The following GSG1L variants were observed in gnomAD, a reference collection of about 807,000 sequenced individuals.
GSG1L encodes the protein germ cell-specific gene 1-like protein.
Under a neutral mutation model 42.1 loss-of-function variants are expected in GSG1L, and 24 were observed. The observed-to-expected ratio is 0.57, with a 90% CI of 0.41 to 0.80. The LOEUF is 0.80. Among genes scored for constraint, GSG1L ranks in the 30% least tolerant of loss-of-function variants. GSG1L has a pLI of 0.00. For missense variants in GSG1L, 445 were observed against 472.2 expected, an observed-to-expected ratio of 0.94 and a Z score of 0.53; for synonymous variants, 215 against 203.5, an observed-to-expected ratio of 1.06 and a Z score of -0.48.
chr16:27,956,301 C>T (rs984276045), intron 2 of GSG1L, among the ~76,000 whole-genome samples: 1 of 152,110 alleles, frequency 6.6e-6, no homozygotes. Flanking sequence ...GATAAATATT[C>T]AAATATTTAG....
intron 2 of GSG1L, among the ~76,000 whole-genome samples, chr16:27,956,811 A>C (rs1029660906): frequency 1.3e-5 from 2 of 152,138 alleles, no homozygotes; most frequent in African/African-American, 4.8e-5. Flanking sequence ...AAAAAAAAAA[A>C]AACTGTGTGA....
At chr16:27,946,678 A>G (rs1288151310) in intron 2 of GSG1L, among the ~76,000 whole-genome samples, 2 of 148,886 alleles carry the variant, frequency 1.3e-5, no homozygotes, top group African/African-American at 4.9e-5. Context: ...GAAAGAAAGA[A>G]AGAAAGAAAG....
intron 1 of GSG1L, among the ~76,000 whole-genome samples, chr16:28,048,341 A>AT (rs1567569307): frequency 6.6e-6 from 1 of 152,214 alleles, no homozygotes; most frequent in Non-Finnish European, 1.5e-5. Context: ...ACGAAAAAAA[A>AT]ATATAAGGCA....
rs1439098430 is a variant in GSG1L, at chr16:27,916,921, G to A, written c.398-32283C>T. On this transcript the variant is annotated intron_variant, in intron 2 of 6. Transcript: ENST00000447459. ...TCTAGAGTGGGGCTATATCAGTTAA[G>A]AGTGTCCAGGCAAGATGTCTATGAG... 3.3e-5 allele frequency among the ~76,000 whole-genome samples: 5 copies of A among 151,970 alleles called. No homozygotes were observed. The East Asian group carries it at 5.8e-4, about 18-fold the overall frequency.
chr16:27,868,365 A>AT (rs1454360812), intron 3 of GSG1L, among the ~76,000 whole-genome samples: 2 of 152,244 alleles, frequency 1.3e-5, no homozygotes, highest in Non-Finnish European at 2.9e-5. Flanking sequence ...CAACTCATTC[A>AT]TTTAACTGAC....
intron 1 of GSG1L, among the ~76,000 whole-genome samples, chr16:28,027,630 T>G (rs1189283583): frequency 1.3e-5 from 2 of 152,214 alleles, no homozygotes; most frequent in African/African-American, 4.8e-5. Context: ...TTTGGGCACC[T>G]GTGTTCAGGT....
At chr16:28,032,496 T>C (rs558921076) in intron 1 of GSG1L, among the ~76,000 whole-genome samples, 1 of 152,314 alleles carries the variant, frequency 6.6e-6, no homozygotes, top group African/African-American at 2.4e-5. Flanking sequence ...GCTGGCGGCT[T>C]CTCCGTTGAT....
intron 6 of GSG1L, among the ~76,000 whole-genome samples, chr16:27,806,099 G>A (rs2082958862): frequency 6.6e-6 from 1 of 152,014 alleles, no homozygotes; most frequent in African/African-American, 2.4e-5. Context: ...TCACTCTGTT[G>A]TCCCTGCAGG....
intron 6 of GSG1L, among the ~76,000 whole-genome samples, chr16:27,794,448 A>G (rs1406572772): frequency 2.0e-5 from 3 of 151,392 alleles, no homozygotes; most frequent in Non-Finnish European, 4.4e-5. Context: ...CTCCTGCCTC[A>G]GCCTCCTAAG....
At chr16:27,820,192 C>A (rs1176949458) in intron 5 of GSG1L, among the ~76,000 whole-genome samples, 2 of 152,084 alleles carry the variant, frequency 1.3e-5, no homozygotes, top group East Asian at 3.8e-4. Context: ...GTAGAAACAC[C>A]AAGGAAGCAA....
chr16:27,857,160 C>G (rs139508423), intron 3 of GSG1L, among the ~76,000 whole-genome samples: 2 of 152,204 alleles, frequency 1.3e-5, no homozygotes, highest in Non-Finnish European at 2.9e-5. Flanking sequence ...GAAGCAGTGG[C>G]TGATGCCTGT....
intron 1 of GSG1L, among the ~76,000 whole-genome samples, chr16:28,029,510 T>C (rs1272733875): frequency 6.6e-6 from 1 of 151,016 alleles, no homozygotes; most frequent in Non-Finnish European, 1.5e-5. Context: ...GCTGAATGTG[T>C]AGATATATGG....
chr16:27,965,941 GATCTGTCTCTC>G (rs2085127376), intron 1 of GSG1L, among the ~76,000 whole-genome samples: 2 of 152,014 alleles, frequency 1.3e-5, no homozygotes, highest in African/African-American at 2.4e-5. Context: ...GACCCTCTGT[GATCTGTCTCTC>G]CATCACCTCC....
At chr16:28,047,644 G>T (rs895328172) in intron 1 of GSG1L, among the ~76,000 whole-genome samples, 5 of 151,630 alleles carry the variant, frequency 3.3e-5, no homozygotes, top group African/African-American at 9.7e-5. Context: ...AGAAAGCAGG[G>T]ATAGCAATAT....
At chr16:27,888,495 C>T (rs2084073368) in intron 2 of GSG1L, among the ~76,000 whole-genome samples, 1 of 5,992 alleles carries the variant, frequency 1.7e-4, no homozygotes, top group Non-Finnish European at 4.4e-4. Context: ...TTCTTTCTTT[C>T]TTTCTTTCTT....
intron 2 of GSG1L, among the ~76,000 whole-genome samples, chr16:27,922,290 G>A (rs943027273): frequency 2.6e-5 from 4 of 151,876 alleles, no homozygotes; most frequent in Admixed American, 2.0e-4. Flanking sequence ...CAAGATATTT[G>A]TCTAATTCTA....
chr16:27,855,103 C>T (rs1283824887), intron 3 of GSG1L, among the ~76,000 whole-genome samples: 2 of 152,138 alleles, frequency 1.3e-5, no homozygotes. Flanking sequence ...AACAGACATC[C>T]AGGGTGCTCG....
At chr16:28,007,435 C>T (rs1166710301) in intron 1 of GSG1L, among the ~76,000 whole-genome samples, 1 of 152,184 alleles carries the variant, frequency 6.6e-6, no homozygotes, top group Non-Finnish European at 1.5e-5. Flanking sequence ...TTTTAGACTC[C>T]TGTCCTCCAG....
intron 2 of GSG1L, among the ~76,000 whole-genome samples, chr16:27,888,491 CTTTCTTTCTTTCTTTCTTT>C (rs2084072848): frequency 3.3e-4 from 2 of 5,984 alleles, no homozygotes; most frequent in African/African-American, 9.1e-4. Context: ...TCCTTTCTTT[CTTTCTTTCTTTCTTTCTTT>C]CTTTCTTTCT....
Sources: allele counts gnomAD v4.1 joint callset (sites outside exome capture counted in the v4.1 genomes callset), GRCh38; gene constraint gnomAD v4.1.1; transcripts MANE v1.5; gene names NCBI Gene and HGNC (gene_info 2026-07-23, HGNC 2026-07-21).